Variants in NTNG2 observed in about 807,000 individuals in gnomAD.
The protein encoded by NTNG2 is netrin G2, also known as netrin-G2.
A neutral mutation model predicts 47.6 loss-of-function variants in NTNG2; 15 were observed. The observed-to-expected ratio is 0.32, with a 90% CI of 0.21 to 0.49. The LOEUF is 0.49. Among genes scored for constraint, NTNG2 ranks in the 20% least tolerant of loss-of-function variants. The pLI, the probability that NTNG2 is intolerant of heterozygous loss-of-function variation, is 0.99. For missense variants in NTNG2, 578 were observed against 764.6 expected, an observed-to-expected ratio of 0.76 and a Z score of 2.88; for synonymous variants, 307 against 324.6, an observed-to-expected ratio of 0.95 and a Z score of 0.58.
intron 3 of NTNG2, among the ~76,000 whole-genome samples, chr9:132,202,906 G>A (rs1297513873): frequency 1.3e-5 from 2 of 152,190 alleles, no homozygotes; most frequent in Non-Finnish European, 2.9e-5. Context: ...TAACCTGTTG[G>A]AACCTCAGTT....
intron 2 of NTNG2, among the ~76,000 whole-genome samples, chr9:132,193,682 C>G (rs564228435): frequency 6.6e-6 from 1 of 152,276 alleles, no homozygotes; most frequent in East Asian, 1.9e-4. Context: ...CGTCTCTACC[C>G]CTCTGAGCCA....
rs74977400 is a variant in NTNG2, at chr9:132,218,016, G to T, written c.858-8833G>T. 6.6e-6 allele frequency among the ~76,000 whole-genome samples: 1 copy of T among 152,204 alleles called. No individual in the cohort carries two copies. Among genetic ancestry groups the T allele is most frequent in the South Asian group, 2.1e-4 (1 of 4,828 alleles). On this transcript the variant is annotated intron_variant, in intron 3 of 7. Transcript: ENST00000393229. This position sits in a 1 kb window ranked among gnomAD's most constrained non-coding sequence, Gnocchi z 5.4. ...CTCAGGGCCAGTGTCACTGGTGTGC[G>T]TGGCAGCCTGTGGCATACACAAGAT...
chr9:132,201,873 G>GAGCGCTCCCCGCGGGGGC (rs1160102833), intron 3 of NTNG2, among the ~76,000 whole-genome samples: 4 of 152,074 alleles, frequency 2.6e-5, no homozygotes, highest in African/African-American at 9.7e-5. Context: ...CCACCCCCTG[G>GAGCGCTCCCCGCGGGGGC]AGCGCTCCCC....
chr9:132,223,328 C>T lies in NTNG2; in HGVS notation c.858-3521C>T, dbSNP rs558010803. On this transcript the variant is annotated intron_variant, in intron 3 of 7. Coordinates refer to ENST00000393229, the MANE Select transcript of NTNG2 (RefSeq NM_032536.4). The stretch of plus-strand genomic sequence containing the variant: ...GCTCTGGAAGGCGGCCCCCAGGGGA[C>T]CCTTCATTCCCACTCAGACAGGGAC... Among the ~76,000 whole-genome samples, 4 of 152,270 alleles carry T rather than the reference C, an allele frequency of 2.6e-5. No homozygotes were observed. The East Asian group carries it at 7.8e-4, about 30-fold the overall frequency.
At chr9:132,186,961 C>T (rs1311357745) in intron 2 of NTNG2, among the ~76,000 whole-genome samples, 1 of 152,250 alleles carries the variant, frequency 6.6e-6, no homozygotes, top group Non-Finnish European at 1.5e-5. Flanking sequence ...ACACTGTGGG[C>T]AGGGTTGAAA....
chr9:132,228,891 G>A (rs1028191291), intron 4 of NTNG2, among the ~76,000 whole-genome samples: 3 of 152,072 alleles, frequency 2.0e-5, no homozygotes, highest in Non-Finnish European at 4.4e-5. Context: ...TGCCCCCTGC[G>A]CCTGGAGGGT....
intron 2 of NTNG2, among the ~76,000 whole-genome samples, chr9:132,192,872 G>A (rs565515140): frequency 1.1e-4 from 17 of 152,370 alleles, no homozygotes; most frequent in African/African-American, 4.1e-4. Flanking sequence ...CACAGCAGGC[G>A]AGGGGCCTGT....
At chr9:132,185,509 A>G (rs1163481161) in intron 2 of NTNG2, among the ~76,000 whole-genome samples, 1 of 152,126 alleles carries the variant, frequency 6.6e-6, no homozygotes, top group Non-Finnish European at 1.5e-5. Context: ...GCCTGGGTCT[A>G]GCTTATGCTC....
intron 3 of NTNG2, among the ~76,000 whole-genome samples, chr9:132,202,899 C>T (rs1336339070): frequency 2.6e-5 from 4 of 152,260 alleles, no homozygotes; most frequent in Admixed American, 2.6e-4. Flanking sequence ...ATGACTGTAA[C>T]CTGTTGGAAC....
chr9:132,164,847 G>C (rs1235144356), intron 1 of NTNG2, among the ~76,000 whole-genome samples: 1 of 152,210 alleles, frequency 6.6e-6, no homozygotes, highest in Non-Finnish European at 1.5e-5. Flanking sequence ...TGGAGCCCTG[G>C]GGCCCTGGCT....
At chr9:132,209,945 C>T (rs540046546) in intron 3 of NTNG2, among the ~76,000 whole-genome samples, 12 of 151,500 alleles carry the variant, frequency 7.9e-5, no homozygotes, top group African/African-American at 2.2e-4. Context: ...GGACAGGAGC[C>T]GAGGAAGTGA....
intron 2 of NTNG2, among the ~76,000 whole-genome samples, chr9:132,189,064 C>CTTTTTTTTTTTTTTTTTTT (rs1179386814): frequency 3.2e-5 from 2 of 61,752 alleles, no homozygotes; most frequent in African/African-American, 8.6e-5. Flanking sequence ...GGCTTTAAGC[C>CTTTTTTTTTTTTTTTTTTT]TTTCTTTTTT....
In NTNG2 at chr9:132,241,172, C is replaced by G; in HGVS notation, c.1357+128C>G. 16 of 391,640 alleles carry G rather than the reference C, an allele frequency of 4.1e-5. No individual in the cohort carries two copies. In the South Asian group the frequency reaches 6.3e-4, roughly 15 times the overall value. 24.3% of individuals were successfully genotyped at this position (391,640 alleles called of 1,614,324 possible). ...TGGGCCTAGCAAGACGGGGCAGGGCCGGGGAAGTGGGTGGGGCCTAGTGGG... is the reference window on the plus strand; with the variant it reads ...TGGGCCTAGCAAGACGGGGCAGGGCGGGGGAAGTGGGTGGGGCCTAGTGGG... On this transcript the variant is annotated intron_variant, in intron 7 of 7. Coordinates refer to ENST00000393229, the MANE Select transcript of NTNG2 (RefSeq NM_032536.4).
intron 1 of NTNG2, among the ~76,000 whole-genome samples, chr9:132,165,250 C>T (rs1044901037): frequency 5.9e-5 from 9 of 152,050 alleles, no homozygotes; most frequent in Non-Finnish European, 1.5e-5. Flanking sequence ...GTACTGCAGT[C>T]GTGTTATTTC....
At chr9:132,206,959 G>A (rs755849190) in intron 3 of NTNG2, among the ~76,000 whole-genome samples, 2 of 152,248 alleles carry the variant, frequency 1.3e-5, no homozygotes, top group Non-Finnish European at 2.9e-5. Flanking sequence ...TCTGGTCTTT[G>A]GCTCTGCTCC....
Position 132,241,965 on chromosome 9 carries a change from G to A in NTNG2, c.1447G>A (p.Gly483Ser). The stretch of plus-strand genomic sequence containing the variant: ...CTGCGCCTGCCCGCGCGGCTACACC[G>A]GCGTGCGCTGCGAGCAGCCCCGCTG... ...QRCACPRGYTGVRCEQPRCDP... is the reference protein window; with the variant it reads ...QRCACPRGYTSVRCEQPRCDP... The change falls in exon 8 of 8, where the codon GGC becomes AGC. Residue 483 changes from glycine to serine, a missense_variant. Coordinates refer to ENST00000393229, the MANE Select transcript of NTNG2 (RefSeq NM_032536.4). 6.5e-7 allele frequency: 1 copy of A among 1,540,078 alleles called. No individual in the cohort carries two copies. The highest frequency in any genetic ancestry group is 8.7e-7 in the Non-Finnish European group (1 of 1,152,372).
At chr9:132,174,364 G>T (rs75287598) in intron 2 of NTNG2, among the ~76,000 whole-genome samples, 4,835 of 145,602 alleles carry the variant, frequency 0.033, 177 homozygotes, top group East Asian at 0.16. Flanking sequence ...CAGATTAGAC[G>T]GACAGATGGA....
Position 132,185,881 on chromosome 9 carries a change from G to A in NTNG2, c.214-12085G>A, listed in dbSNP as rs1022381675. ...GTGGGAGGAGGAGGAGGAGTGGGAGGAGGAGGAGGAGGGAAAGGAGGAGGA... is the reference window on the plus strand; with the variant it reads ...GTGGGAGGAGGAGGAGGAGTGGGAGAAGGAGGAGGAGGGAAAGGAGGAGGA... On this transcript the variant is annotated intron_variant, in intron 2 of 7. Transcript: ENST00000393229. Among the ~76,000 whole-genome samples, 16 of 148,858 alleles carry A rather than the reference G, an allele frequency of 1.1e-4. No homozygotes were observed. The East Asian group carries it at 2.6e-3, about 24-fold the overall frequency.
intron 2 of NTNG2, among the ~76,000 whole-genome samples, chr9:132,168,590 A>C (rs1231257113): frequency 6.6e-6 from 1 of 152,020 alleles, no homozygotes; most frequent in Non-Finnish European, 1.5e-5. Context: ...GGCGGCACGA[A>C]GCCAGGAGCT....
Sources: allele counts gnomAD v4.1 joint callset (sites outside exome capture counted in the v4.1 genomes callset), GRCh38; gene constraint gnomAD v4.1.1; non-coding constraint Gnocchi (gnomAD v3.1); transcripts MANE v1.5; gene names NCBI Gene and HGNC (gene_info 2026-07-23, HGNC 2026-07-21).